Variants in MAF observed in about 807,000 individuals in gnomAD.
MAF encodes the protein transcription factor Maf.
MAF carries 10 observed loss-of-function variants against 22.0 expected under a neutral mutation model. That is an observed-to-expected ratio of 0.45 (90% CI 0.28 to 0.77). MAF has a LOEUF of 0.77. Ranked by LOEUF, MAF falls within the 30% of genes least tolerant of loss-of-function variation. The probability of loss-of-function intolerance (pLI) is 0.12; values close to 1 mark genes in which losing one functional copy is unlikely to be tolerated. For missense variants in MAF, 544 were observed against 548.4 expected, an observed-to-expected ratio of 0.99 and a Z score of 0.08; for synonymous variants, 337 against 255.8, an observed-to-expected ratio of 1.32 and a Z score of -3.03.
the MAF span, among the ~76,000 whole-genome samples, chr16:79,487,629 AC>A: frequency 6.6e-6 from 1 of 152,194 alleles, no homozygotes; most frequent in African/African-American, 2.4e-5. Flanking sequence ...ATTCTCATAT[AC>A]CCTTCGGGGA....
chr16:79,533,474 C>T, the MAF span, among the ~76,000 whole-genome samples: 2 of 152,122 alleles, frequency 1.3e-5, no homozygotes, highest in Non-Finnish European at 2.9e-5. Flanking sequence ...TCATTCACAA[C>T]CACTGGAATC....
chr16:79,426,210 G>A, the MAF span, among the ~76,000 whole-genome samples: 52 of 146,982 alleles, frequency 3.5e-4, no homozygotes, highest in South Asian at 4.3e-4. Flanking sequence ...CATCTCAAAA[G>A]AAAAAAAAAA....
chr16:79,208,362 C>A, the MAF span, among the ~76,000 whole-genome samples: 3 of 143,920 alleles, frequency 2.1e-5, no homozygotes, highest in African/African-American at 7.8e-5. Flanking sequence ...CTACAGGCTT[C>A]TGATAAATGA....
chr16:79,531,426 C>T, the MAF span, among the ~76,000 whole-genome samples: 1 of 152,022 alleles, frequency 6.6e-6, no homozygotes, highest in Non-Finnish European at 1.5e-5. Context: ...ATGATTCAAA[C>T]ACATTACATT....
chr16:79,249,619 T>TA, the MAF span, among the ~76,000 whole-genome samples: 1 of 152,098 alleles, frequency 6.6e-6, no homozygotes, highest in African/African-American at 2.4e-5. Context: ...TGGTTTAAGG[T>TA]AATTTGTTCT....
At chr16:79,551,728 A>T in the MAF span, among the ~76,000 whole-genome samples, 2 of 152,218 alleles carry the variant, frequency 1.3e-5, no homozygotes, top group African/African-American at 4.8e-5. Flanking sequence ...CATGAAAATT[A>T]GATAAAGTTC....
chr16:79,569,817 C>G, the MAF span, among the ~76,000 whole-genome samples: 2 of 152,166 alleles, frequency 1.3e-5, no homozygotes, highest in East Asian at 3.9e-4. Context: ...TTAGGAACCA[C>G]CAACCTAGAG....
At chr16:79,588,981 T>TA (rs367782137), downstream of MAF, among the ~76,000 whole-genome samples, 515 of 152,290 alleles carry the variant, frequency 3.4e-3, 6 homozygotes, top group African/African-American at 0.012. Context: ...AAGATTTACA[T>TA]AAAAAATCTG....
At chr16:79,250,852 G>A in the MAF span, among the ~76,000 whole-genome samples, 3 of 152,170 alleles carry the variant, frequency 2.0e-5, no homozygotes, top group Non-Finnish European at 4.4e-5. Flanking sequence ...GGACCAAGGG[G>A]ATGTCCCAGA....
chr16:79,588,759 G>A (rs1292219464), intron 1 of MAF, among the ~76,000 whole-genome samples: 1 of 152,014 alleles, frequency 6.6e-6, no homozygotes, highest in Non-Finnish European at 1.5e-5. Context: ...ACCACACCGG[G>A]CCAGATTTAT....
chr16:79,240,661 C>G, the MAF span, among the ~76,000 whole-genome samples: 2 of 151,880 alleles, frequency 1.3e-5, no homozygotes, highest in African/African-American at 4.8e-5. Context: ...CTAAAGAGAG[C>G]AGCAGAACTC....
At chr16:79,573,045 A>C in the MAF span, among the ~76,000 whole-genome samples, 2 of 152,166 alleles carry the variant, frequency 1.3e-5, no homozygotes, top group African/African-American at 2.4e-5. Context: ...TTGTTTCATA[A>C]TGTTATTGGC....
chr16:79,211,280 C>CTTTT, the MAF span, among the ~76,000 whole-genome samples: 3 of 152,146 alleles, frequency 2.0e-5, no homozygotes, highest in Non-Finnish European at 4.4e-5. Context: ...CTTGCACGTT[C>CTTTT]AGAAGGATAC....
At chr16:79,291,392 G>C in the MAF span, among the ~76,000 whole-genome samples, 4 of 152,232 alleles carry the variant, frequency 2.6e-5, no homozygotes, top group South Asian at 8.3e-4. Flanking sequence ...CCATTGTACA[G>C]CCACTTTTCC....
the MAF span, among the ~76,000 whole-genome samples, chr16:79,241,161 G>T: frequency 3.9e-5 from 6 of 152,062 alleles, no homozygotes; most frequent in Non-Finnish European, 8.8e-5. Flanking sequence ...CTCTTCCCCA[G>T]CAAGGGAACA....
the MAF span, among the ~76,000 whole-genome samples, chr16:79,384,017 G>A: frequency 6.6e-6 from 1 of 152,196 alleles, no homozygotes; most frequent in Non-Finnish European, 1.5e-5. Flanking sequence ...AACCAGGTGT[G>A]ACGTTACCAA....
At chr16:79,504,082 T>G in the MAF span, among the ~76,000 whole-genome samples, 540 of 152,354 alleles carry the variant, frequency 3.5e-3, 3 homozygotes, top group African/African-American at 0.012. Context: ...AAATACTGCC[T>G]ATCAGAGGGT....
the MAF span, among the ~76,000 whole-genome samples, chr16:79,558,127 A>G: frequency 2.0e-5 from 3 of 150,776 alleles, no homozygotes; most frequent in Non-Finnish European, 4.4e-5. Flanking sequence ...GTATCTCACA[A>G]TTGGAGAGAG....
At chr16:79,248,091 C>A in the MAF span, among the ~76,000 whole-genome samples, 1 of 151,774 alleles carries the variant, frequency 6.6e-6, no homozygotes, top group South Asian at 2.1e-4. Context: ...ACCCTCATGT[C>A]GGGATTAATT....
Sources: allele counts gnomAD v4.1 joint callset (sites outside exome capture counted in the v4.1 genomes callset), GRCh38; gene constraint gnomAD v4.1.1; transcripts MANE v1.5; gene names NCBI Gene and HGNC (gene_info 2026-07-23, HGNC 2026-07-21).